DYNC2H1: variants seen among roughly 807,000 people sequenced by gnomAD.
DYNC2H1 encodes dynein cytoplasmic 2 heavy chain 1, also known as cytoplasmic dynein 2 heavy chain 1.
A neutral mutation model predicts 570.0 loss-of-function variants in DYNC2H1; 410 were observed. The ratio of observed to expected loss-of-function variants is 0.72; its 90% CI spans 0.66 to 0.78. The LOEUF is 0.78. Ranked by LOEUF, DYNC2H1 falls within the 30% of genes least tolerant of loss-of-function variation. The pLI, the probability that DYNC2H1 is intolerant of heterozygous loss-of-function variation, is 0.00. For missense variants in DYNC2H1, 4,865 were observed against 5,046.4 expected, an observed-to-expected ratio of 0.96 and a Z score of 1.09; for synonymous variants, 1,688 against 1,677.6, an observed-to-expected ratio of 1.01 and a Z score of -0.15.
intron 17 of DYNC2H1, among the ~76,000 whole-genome samples, chr11:103,141,101 A>G (rs1239896101): frequency 1.3e-5 from 2 of 152,052 alleles, no homozygotes; most frequent in African/African-American, 2.4e-5. Context: ...CTAGTTATAC[A>G]TTCATCTAAA....
chr11:103,177,386 G>A lies in DYNC2H1; in HGVS notation c.5875-170G>A, dbSNP rs889322888. 1.3e-5 allele frequency among the ~76,000 whole-genome samples: 2 copies of A among 151,984 alleles called. No homozygotes were observed. Among genetic ancestry groups the A allele is most frequent in the Non-Finnish European group, 2.9e-5 (2 of 68,010 alleles). ...TATTGAAGTATTTAAAGATTATATTGTAAATATGTTCAGATTTATTTAGGT... is the reference window on the plus strand; with the variant it reads ...TATTGAAGTATTTAAAGATTATATTATAAATATGTTCAGATTTATTTAGGT... On this transcript the variant is annotated intron_variant, in intron 37 of 88. Coordinates refer to ENST00000375735, the MANE Select transcript of DYNC2H1 (RefSeq NM_001377.3). This position sits in a 1 kb window ranked among gnomAD's most constrained non-coding sequence, Gnocchi z 4.4.
At position 103,146,752 on chromosome 11, in the gene DYNC2H1, G is replaced by A. The variant is rs186232139; in HGVS notation, c.2703-1020G>A. ...TGAGTAGCTGGGATTACAGGCGTGCGCCACCATGCCTGGCTAATTTTTATA... is the reference window on the plus strand; with the variant it reads ...TGAGTAGCTGGGATTACAGGCGTGCACCACCATGCCTGGCTAATTTTTATA... On this transcript the variant is annotated intron_variant, in intron 18 of 88. Transcript: ENST00000375735. 1.5e-3 allele frequency among the ~76,000 whole-genome samples: 226 copies of A among 151,938 alleles called. 3 individuals carry two copies. In the East Asian group the frequency reaches 0.034, roughly 23 times the overall value.
intron 35 of DYNC2H1, 119 bp from the exon 36 acceptor site, chr11:103,173,936 A>G: frequency 1.5e-6 from 1 of 671,744 alleles, no homozygotes; most frequent in Non-Finnish European, 2.5e-6. Context: ...ATATAAATTA[A>G]TGGGATATCA....
At chr11:103,230,795 A>G (rs1319104886) in intron 59 of DYNC2H1, among the ~76,000 whole-genome samples, 1 of 152,110 alleles carries the variant, frequency 6.6e-6, no homozygotes, top group African/African-American at 2.4e-5. Context: ...GCTTAAGCCT[A>G]GGAGTTTGAG....
chr11:103,113,550 A>G lies in DYNC2H1; in HGVS notation c.209A>G (p.Asp70Gly). Residue 70 changes from aspartate (D) to glycine (G), a missense_variant, in exon 2 of 89, where the codon GAC becomes GGC. Around this residue, in one of 5 missense-constraint regions of DYNC2H1, gnomAD observed 1,936 missense variants for 1,962.1 expected, o/e 0.99. Coordinates refer to ENST00000375735, the MANE Select transcript of DYNC2H1 (RefSeq NM_001377.3). ...TTATCACTTTAGATTGAGTTTGGTG[A>G]CACAAAAGATAAAGTGCTGGTGTTT... ...ISFSNTIEFG[D>G]TKDKVLVFFK... 1 of 1,561,078 alleles carries G rather than the reference A, an allele frequency of 6.4e-7. No individual in the cohort carries two copies. Among genetic ancestry groups the G allele is most frequent in the Non-Finnish European group, 8.6e-7 (1 of 1,160,374 alleles).
chr11:103,134,393 A>T lies in DYNC2H1; in HGVS notation c.2179A>T (p.Thr727Ser). 6.2e-7 allele frequency: 1 copy of T among 1,611,812 alleles called. No individual in the cohort carries two copies. Among genetic ancestry groups the T allele is most frequent in the Non-Finnish European group, 8.5e-7 (1 of 1,178,554 alleles). ...RWKDGLQELR[T>S]GLATVEAQGF... ...GAAAGATGGATTACAAGAATTGAGA[A>T]CTGGCTTAGCAACTGTAGAAGCACA... Residue 727 changes from threonine to serine, a missense_variant, in exon 15 of 89, where the codon ACT becomes TCT. By Grantham distance (58) the Thr-to-Ser change is moderately conservative. Transcript: ENST00000375735.
In DYNC2H1 at chr11:103,136,896, T is replaced by C. The variant is rs974222909; in HGVS notation, c.2574+948T>C. ...ATCCTCTCCAGCACCTGTTGTTTCCTGACTTTTTAATGATTGCCATTCTAA... is the reference window on the plus strand; with the variant it reads ...ATCCTCTCCAGCACCTGTTGTTTCCCGACTTTTTAATGATTGCCATTCTAA... On this transcript the variant is annotated intron_variant, in intron 17 of 88. Coordinates refer to ENST00000375735, the MANE Select transcript of DYNC2H1 (RefSeq NM_001377.3). 2.4e-4 allele frequency among the ~76,000 whole-genome samples: 36 copies of C among 151,986 alleles called. No individual in the cohort carries two copies. The East Asian group carries it at 2.5e-3, about 11-fold the overall frequency.
intron 4 of DYNC2H1, among the ~76,000 whole-genome samples, chr11:103,115,528 T>G (rs1254385590): frequency 6.6e-6 from 1 of 152,230 alleles, no homozygotes; most frequent in African/African-American, 2.4e-5. Context: ...CTGGGCATGG[T>G]GACTCACACC....
intron 85 of DYNC2H1, among the ~76,000 whole-genome samples, chr11:103,444,565 G>A (rs143595254): frequency 2.0e-5 from 3 of 152,232 alleles, no homozygotes; most frequent in African/African-American, 7.2e-5. Context: ...TATTGAAAAT[G>A]AATTAAACTT....
intron 36 of DYNC2H1, among the ~76,000 whole-genome samples, chr11:103,175,991 T>G (rs1040444555): frequency 2.0e-5 from 3 of 152,140 alleles, no homozygotes; most frequent in African/African-American, 7.2e-5. Context: ...AATTAAAGTC[T>G]TGGTACCCTG....
At position 103,354,106 on chromosome 11, in the gene DYNC2H1, G is replaced by A. The variant is rs538423579; in HGVS notation, c.12040-4137G>A. 3.4e-5 allele frequency among the ~76,000 whole-genome samples: 5 copies of A among 148,060 alleles called. No individual in the cohort carries two copies. In the East Asian group the frequency reaches 1.0e-3, roughly 30 times the overall value. On this transcript the variant is annotated intron_variant, in intron 82 of 88. Coordinates refer to ENST00000375735, the MANE Select transcript of DYNC2H1 (RefSeq NM_001377.3). Reference sequence around the variant, plus strand: ...GCAGGAGAATCACTTGAACCAGGGAGTTGGAGGTTGCGATGAGCTGAGATC... The same window carrying A: ...GCAGGAGAATCACTTGAACCAGGGAATTGGAGGTTGCGATGAGCTGAGATC...
intron 35 of DYNC2H1, 120 bp from the exon 36 acceptor site, chr11:103,173,935 A>G (rs1255051575): frequency 3.0e-6 from 2 of 668,586 alleles, no homozygotes; most frequent in East Asian, 5.6e-5. Flanking sequence ...TATATAAATT[A>G]ATGGGATATC....
chr11:103,240,819 C>T (rs1005881563), intron 63 of DYNC2H1, among the ~76,000 whole-genome samples: 6 of 152,078 alleles, frequency 3.9e-5, no homozygotes, highest in Non-Finnish European at 7.4e-5. Context: ...TTAGTGATTT[C>T]CCATTGTCTG....
intron 69 of DYNC2H1, among the ~76,000 whole-genome samples, chr11:103,258,831 T>C (rs911969709): frequency 1.3e-5 from 2 of 152,232 alleles, no homozygotes; most frequent in South Asian, 2.1e-4. Flanking sequence ...AAAAATCTAC[T>C]GGATCTTGTA....
At chr11:103,110,567 A>G (rs1315593779) in intron 1 of DYNC2H1, among the ~76,000 whole-genome samples, 1 of 152,098 alleles carries the variant, frequency 6.6e-6, no homozygotes. Context: ...ATCATGTGAT[A>G]TACTGATTTA....
At position 103,135,883 on chromosome 11, in the gene DYNC2H1, T is replaced by C; in HGVS notation, c.2509T>C (p.Leu837=). The C allele has an allele frequency of 2.5e-6, 4 of 1,613,116 alleles. No homozygotes were observed. The highest frequency in any genetic ancestry group is 1.1e-5 in the South Asian group (1 of 90,916). Residue 837 remains leucine, a synonymous_variant, in exon 17 of 89, where the codon TTG becomes CTG. Coordinates refer to ENST00000375735, the MANE Select transcript of DYNC2H1 (RefSeq NM_001377.3). ...IMIDRNASGF[L]TIFSKAEDLF... ...GATTGATAGAAATGCAAGTGGATTT[T>C]TGACGATTTTCAGCAAAGCAGAAGA...
intron 12 of DYNC2H1, among the ~76,000 whole-genome samples, chr11:103,127,513 A>G (rs557938913): frequency 6.6e-6 from 1 of 152,298 alleles, no homozygotes; most frequent in South Asian, 2.1e-4. Flanking sequence ...AATAAAGTAT[A>G]TTTTTACATG....
intron 60 of DYNC2H1, among the ~76,000 whole-genome samples, chr11:103,232,291 C>T (rs1224749334): frequency 2.6e-5 from 4 of 151,764 alleles, no homozygotes; most frequent in Admixed American, 2.6e-4. Flanking sequence ...AAATCTATTT[C>T]TATTTAGCAG....
chr11:103,447,580 C>A (rs770193238), intron 85 of DYNC2H1, among the ~76,000 whole-genome samples: 4 of 152,158 alleles, frequency 2.6e-5, no homozygotes, highest in African/African-American at 4.8e-5. Flanking sequence ...AAGTATCCAT[C>A]ATGCCATTAC....
Sources: gnomAD v4.1 joint callset for allele counts (sites outside exome capture counted in the v4.1 genomes callset) on GRCh38, gnomAD v4.1.1 for gene constraint, gnomAD v4.1.1 regional missense constraint, Gnocchi (gnomAD v3.1) non-coding constraint, MANE v1.5 for transcripts, NCBI Gene and HGNC (gene_info 2026-07-23, HGNC 2026-07-21) for gene names.